Variants in GALNTL6 observed in about 807,000 individuals in gnomAD.
GALNTL6 encodes the protein polypeptide N-acetylgalactosaminyltransferase-like 6.
A neutral mutation model predicts 73.7 loss-of-function variants in GALNTL6; 46 were observed. The observed-to-expected ratio is 0.62, with a 90% CI of 0.49 to 0.80. The LOEUF is 0.80. Ranked by LOEUF, GALNTL6 falls within the 30% of genes least tolerant of loss-of-function variation. The pLI, the probability that GALNTL6 is intolerant of heterozygous loss-of-function variation, is 0.00. For missense variants in GALNTL6, 604 were observed against 755.0 expected (o/e 0.80, Z 2.34); for synonymous variants, 259 against 263.7 (o/e 0.98, Z 0.17).
chr4:172,494,451 A>G (rs1200714028), intron 5 of GALNTL6, among the ~76,000 whole-genome samples: 1 of 152,188 alleles, frequency 6.6e-6, no homozygotes, highest in Non-Finnish European at 1.5e-5. Flanking sequence ...TATGCCCTCT[A>G]TTGGTCAGGG....
intron 2 of GALNTL6, among the ~76,000 whole-genome samples, chr4:171,938,527 T>G (rs971118250): frequency 6.6e-6 from 1 of 152,166 alleles, no homozygotes; most frequent in Non-Finnish European, 1.5e-5. Flanking sequence ...GCTTTGGAGT[T>G]TCCAGAAAAA....
At chr4:171,958,152 T>G (rs145515254) in intron 2 of GALNTL6, among the ~76,000 whole-genome samples, 16 of 152,278 alleles carry the variant, frequency 1.1e-4, no homozygotes, top group Non-Finnish European at 2.2e-4. Context: ...ATTACTGATA[T>G]CCTTGAAATT....
intron 5 of GALNTL6, among the ~76,000 whole-genome samples, chr4:172,584,104 A>G (rs1030010504): frequency 6.6e-6 from 1 of 152,052 alleles, no homozygotes; most frequent in Non-Finnish European, 1.5e-5. Flanking sequence ...AGACAAAGCC[A>G]ATGAAGAACA....
rs1310035012 is a variant in GALNTL6 at position 173,040,109 on chromosome 4, A to C, written c.*9A>C. ...ACCATGCCAACTCCTAGAAAGAAGA[A>C]AGGAAGAAAGAGTGATTACCTACAG... On this transcript the variant is annotated 3_prime_UTR_variant, in exon 13 of 13. Transcript: ENST00000506823. 6.2e-7 allele frequency: 1 copy of C among 1,600,948 alleles called. No homozygotes were observed. Among genetic ancestry groups the C allele is most frequent in the Non-Finnish European group, 8.5e-7 (1 of 1,170,568 alleles).
At chr4:172,893,330 G>T (rs1172120016) in intron 8 of GALNTL6, among the ~76,000 whole-genome samples, 1 of 147,964 alleles carries the variant, frequency 6.8e-6, no homozygotes, top group African/African-American at 2.6e-5. Context: ...ACTCTTCTAA[G>T]TGTTCTGAGA....
intron 9 of GALNTL6, among the ~76,000 whole-genome samples, chr4:172,941,188 T>G (rs1748902768): frequency 6.6e-6 from 1 of 152,160 alleles, no homozygotes; most frequent in Non-Finnish European, 1.5e-5. Flanking sequence ...AAAGAGAGCT[T>G]GTAATTGAGT....
In GALNTL6 at chr4:172,257,497, A is replaced by T. The variant is rs542545731; in HGVS notation, c.247+27733A>T. Among the ~76,000 whole-genome samples, 3 of 151,494 alleles carry T rather than the reference A, an allele frequency of 2.0e-5. No homozygotes were observed. In the East Asian group the frequency reaches 5.8e-4, roughly 29 times the overall value. On this transcript the variant is annotated intron_variant, in intron 3 of 12. Coordinates refer to ENST00000506823, the MANE Select transcript of GALNTL6 (RefSeq NM_001034845.3). ...ATTTAACTGTGGCAGGAATTTTATT[A>T]AGAATATTATTCTTTGATTTGTGCT...
At chr4:172,297,784 A>G (rs1331987864) in intron 3 of GALNTL6, among the ~76,000 whole-genome samples, 3 of 152,088 alleles carry the variant, frequency 2.0e-5, no homozygotes, top group Non-Finnish European at 1.5e-5. Context: ...GTCAGGTGGC[A>G]TGATGCCTCC....
intron 11 of GALNTL6, among the ~76,000 whole-genome samples, chr4:173,010,029 T>C (rs1423496079): frequency 6.6e-6 from 1 of 152,220 alleles, no homozygotes. Context: ...TTTACTTATT[T>C]TGAAATGTAC....
In GALNTL6 at chr4:172,796,026, A is replaced by G. The variant is rs147936688; in HGVS notation, c.554-13335A>G. Among the ~76,000 whole-genome samples the G allele has an allele frequency of 8.2e-4, 125 of 151,732 alleles. No homozygotes were observed. In the South Asian group the frequency reaches 0.017, roughly 21 times the overall value. On this transcript the variant is annotated intron_variant, in intron 5 of 12. Transcript: ENST00000506823. ...ACAAGTACACTTTGAATATAAACCTACACAAAACAGGAAAATATGAACAGT... is the reference window on the plus strand; with the variant it reads ...ACAAGTACACTTTGAATATAAACCTGCACAAAACAGGAAAATATGAACAGT...
intron 4 of GALNTL6, among the ~76,000 whole-genome samples, chr4:172,334,677 A>G (rs140487234): frequency 3.1e-4 from 47 of 152,274 alleles, no homozygotes; most frequent in African/African-American, 1.1e-3. Flanking sequence ...GAGAAGAAAA[A>G]AAATTTGATT....
intron 11 of GALNTL6, among the ~76,000 whole-genome samples, chr4:173,021,246 ACT>A (rs886829938): frequency 5.3e-5 from 8 of 149,888 alleles, no homozygotes; most frequent in African/African-American, 1.5e-4. Context: ...CTGATTGGAA[ACT>A]CTTCATTTGT....
intron 5 of GALNTL6, among the ~76,000 whole-genome samples, chr4:172,553,965 A>C (rs1736054352): frequency 6.6e-6 from 1 of 152,112 alleles, no homozygotes; most frequent in East Asian, 1.9e-4. Flanking sequence ...AGGTTTCTAC[A>C]TTACAGTGAC....
intron 2 of GALNTL6, among the ~76,000 whole-genome samples, chr4:172,170,029 G>A (rs1734759832): frequency 6.6e-6 from 1 of 152,170 alleles, no homozygotes; most frequent in South Asian, 2.1e-4. Flanking sequence ...GAATGACAAA[G>A]CAGGACTTGG....
chr4:171,958,474 A>T (rs1260705261), intron 2 of GALNTL6, among the ~76,000 whole-genome samples: 2 of 152,280 alleles, frequency 1.3e-5, no homozygotes, highest in South Asian at 2.1e-4. Context: ...AGTATATTTT[A>T]AAAATTAGGA....
chr4:172,769,296 T>C (rs1008876074), intron 5 of GALNTL6, among the ~76,000 whole-genome samples: 6 of 152,078 alleles, frequency 3.9e-5, no homozygotes, highest in African/African-American at 1.4e-4. Context: ...TTAAAGATAT[T>C]TTAGGAAAAA....
At chr4:173,031,686 A>G (rs1476528436) in intron 12 of GALNTL6, among the ~76,000 whole-genome samples, 3 of 152,140 alleles carry the variant, frequency 2.0e-5, no homozygotes, top group African/African-American at 7.2e-5. Context: ...GCCTAGATAC[A>G]CATTTGACAA....
At chr4:171,998,189 C>G (rs1740552641) in intron 2 of GALNTL6, among the ~76,000 whole-genome samples, 1 of 152,124 alleles carries the variant, frequency 6.6e-6, no homozygotes, top group Non-Finnish European at 1.5e-5. Context: ...TCAGTTGCAT[C>G]TAGAAATAGG....
intron 5 of GALNTL6, among the ~76,000 whole-genome samples, chr4:172,385,770 T>G (rs1743443104): frequency 6.6e-6 from 1 of 152,070 alleles, no homozygotes; most frequent in South Asian, 2.1e-4. Flanking sequence ...ATGTAATTAC[T>G]GGTAAGATAG....
Sources: gnomAD v4.1 joint callset for allele counts (sites outside exome capture counted in the v4.1 genomes callset) on GRCh38, gnomAD v4.1.1 for gene constraint, MANE v1.5 for transcripts, NCBI Gene and HGNC (gene_info 2026-07-23, HGNC 2026-07-21) for gene names.